The following APP variants were observed in gnomAD, a reference collection of about 807,000 sequenced individuals.
APP encodes amyloid-beta precursor protein.
Under a neutral mutation model 101.4 loss-of-function variants are expected in APP, and 31 were observed. That is an observed-to-expected ratio of 0.31 (90% CI 0.23 to 0.41). The LOEUF (loss-of-function observed/expected upper bound fraction) is 0.41, where lower values mean the gene tolerates loss of function less well. Ranked by LOEUF, APP falls within the 10% of genes least tolerant of loss-of-function variation. APP has a pLI of 1.00. For missense variants in APP, 839 were observed against 1,003.7 expected (o/e 0.84, Z 2.22); for synonymous variants, 366 against 364.4 (o/e 1.00, Z -0.05).
intron 2 of APP, among the ~76,000 whole-genome samples, chr21:26,107,156 T>C (rs750602642): frequency 6.6e-6 from 1 of 152,142 alleles, no homozygotes; most frequent in Non-Finnish European, 1.5e-5. Context: ...CCCTTATTAC[T>C]TACATCCTTA....
chr21:26,079,550 CAACAT>C (rs1345936902), intron 3 of APP, among the ~76,000 whole-genome samples: 4 of 152,228 alleles, frequency 2.6e-5, no homozygotes, highest in African/African-American at 9.6e-5. Context: ...TTTGAAGACT[CAACAT>C]AACAGAAATC....
intron 15 of APP, among the ~76,000 whole-genome samples, chr21:25,904,736 G>C (rs45439192): frequency 0.018 from 2,603 of 147,960 alleles, 82 homozygotes; most frequent in African/African-American, 0.062. Flanking sequence ...GTTTTGTTTT[G>C]TTTGTTTTAA....
chr21:26,118,914 A>G (rs1377802091), intron 1 of APP, among the ~76,000 whole-genome samples: 2 of 152,172 alleles, frequency 1.3e-5, no homozygotes, highest in Non-Finnish European at 2.9e-5. Flanking sequence ...ATATATATAT[A>G]GTATTTGAGA....
intron 13 of APP, chr21:25,946,051 T>C (rs45511595): frequency 0.025 from 8,874 of 355,910 alleles, 740 homozygotes; most frequent in African/African-American, 0.18. Flanking sequence ...AAGTCAAACC[T>C]CTACCTCACA....
chr21:25,923,380 G>T (rs1211193112), intron 13 of APP, among the ~76,000 whole-genome samples: 10 of 148,488 alleles, frequency 6.7e-5, no homozygotes, highest in African/African-American at 2.3e-4. Context: ...ATGGACAAAT[G>T]GGATCTAATT....
At chr21:26,140,491 G>C (rs1745471702) in intron 1 of APP, 3 of 677,226 alleles carry the variant, frequency 4.4e-6, no homozygotes, top group Admixed American at 8.0e-5. Context: ...ATTTCCTTTT[G>C]TAGGATTTTC....
intron 1 of APP, 48 bp downstream of exon 1, chr21:26,170,516 C>G: frequency 6.5e-7 from 1 of 1,526,916 alleles, no homozygotes; most frequent in Non-Finnish European, 8.8e-7. Context: ...GGGGGTATCG[C>G]GTCCCCACCG....
intron 2 of APP, among the ~76,000 whole-genome samples, chr21:26,098,515 C>T (rs2061994955): frequency 6.6e-6 from 1 of 152,130 alleles, no homozygotes; most frequent in Admixed American, 6.5e-5. Context: ...CTATTCCCAA[C>T]ATTAAGGGCA....
chr21:26,103,698 T>C (rs45510295), intron 2 of APP, among the ~76,000 whole-genome samples: 9,209 of 152,292 alleles, frequency 0.06, 483 homozygotes, highest in East Asian at 0.13. Context: ...TCTCTCAGCA[T>C]AAGCTGGATA....
chr21:26,026,234 G>A (rs9983524), intron 5 of APP, among the ~76,000 whole-genome samples: 140,450 of 152,278 alleles, frequency 0.92, 65,156 homozygotes, highest in Non-Finnish European at 0.97. Flanking sequence ...GCAGACTTTA[G>A]TGGCTATCAA....
rs45610338 is a variant in APP, at chr21:25,882,095, C to G, written c.2212-324G>C. 3.4e-3 allele frequency among the ~76,000 whole-genome samples: 519 copies of G among 151,884 alleles called. 3 individuals carry two copies. Among genetic ancestry groups the G allele is most frequent in the Non-Finnish European group, 6.0e-3 (405 of 67,964 alleles). ...GGTATTTTTTCCTCCCCTGTTGGGT[C>G]CATAAAGGACAAACAGAGTCAACGG... On this transcript the variant is annotated intron_variant, in intron 17 of 17. Coordinates refer to ENST00000346798, the MANE Select transcript of APP (RefSeq NM_000484.4).
Position 25,881,700 on chromosome 21 carries a change from G to A in APP, c.2283C>T (p.Thr761=), listed in dbSNP as rs762965666. 6.2e-7 allele frequency: 1 copy of A among 1,613,950 alleles called. No individual in the cohort carries two copies. The highest frequency in any genetic ancestry group is 1.7e-5 in the Admixed American group (1 of 60,008). ...KMQQNGYENP[T]YKFFEQMQN ...TCTGCATCTGCTCAAAGAACTTGTA[G>A]GTTGGATTTTCGTAGCCGTTCTGCT... Residue 761 remains threonine (T), a synonymous_variant, in exon 18 of 18, where the codon ACC becomes ACT. Coordinates refer to ENST00000346798, the MANE Select transcript of APP (RefSeq NM_000484.4).
intron 6 of APP, among the ~76,000 whole-genome samples, chr21:26,008,250 A>C (rs905987942): frequency 6.6e-6 from 1 of 152,202 alleles, no homozygotes; most frequent in Non-Finnish European, 1.5e-5. Context: ...ATTTACTTGT[A>C]AAGTATTTAG....
chr21:25,989,463 TAC>T lies in APP; in HGVS notation c.1091-6988_1091-6987del, dbSNP rs375834627. Reference sequence around the variant, plus strand: ...CAGGCTCTGGGGTGACCCATAATTTTACAGTCACAATGGACTCAGGACACAAA... The same window carrying T: ...CAGGCTCTGGGGTGACCCATAATTTTAGTCACAATGGACTCAGGACACAAA... On this transcript the variant is annotated intron_variant, in intron 8 of 17. Coordinates refer to ENST00000346798, the MANE Select transcript of APP (RefSeq NM_000484.4). 2.9e-3 allele frequency among the ~76,000 whole-genome samples: 437 copies of T among 152,324 alleles called. 2 individuals are homozygous for T. Among genetic ancestry groups the T allele is most frequent in the African/African-American group, 9.8e-3 (406 of 41,562 alleles).
intron 13 of APP, among the ~76,000 whole-genome samples, chr21:25,918,850 CG>C (rs2039495256): frequency 6.7e-6 from 1 of 148,962 alleles, no homozygotes; most frequent in Admixed American, 7.0e-5. Flanking sequence ...ACAAAGCAGC[CG>C]GGAAGCTCGA....
intron 6 of APP, among the ~76,000 whole-genome samples, chr21:26,014,277 A>G (rs2043955143): frequency 1.3e-5 from 2 of 152,160 alleles, no homozygotes; most frequent in Admixed American, 6.5e-5. Context: ...ATAAGTAAAA[A>G]TCCCGTTAGT....
At chr21:26,045,093 A>T (rs1233897388) in intron 5 of APP, among the ~76,000 whole-genome samples, 1 of 152,206 alleles carries the variant, frequency 6.6e-6, no homozygotes, top group African/African-American at 2.4e-5. Flanking sequence ...ATTAGAAGAG[A>T]TAATGCAGAA....
chr21:26,062,460 C>T (rs1168791708), intron 3 of APP, among the ~76,000 whole-genome samples: 2 of 151,544 alleles, frequency 1.3e-5, no homozygotes, highest in South Asian at 2.1e-4. Flanking sequence ...GTCAGGAGTT[C>T]GAGACCAGCC....
chr21:26,030,792 T>G (rs2044783668), intron 5 of APP, among the ~76,000 whole-genome samples: 1 of 152,216 alleles, frequency 6.6e-6, no homozygotes, highest in South Asian at 2.1e-4. Context: ...AAATTCCTCA[T>G]GTCCAAAGGT....
Sources: gnomAD v4.1 joint callset for allele counts (sites outside exome capture counted in the v4.1 genomes callset) on GRCh38, gnomAD v4.1.1 for gene constraint, MANE v1.5 for transcripts, NCBI Gene and HGNC (gene_info 2026-07-23, HGNC 2026-07-21) for gene names.